MCPH1: variants seen among roughly 807,000 people sequenced by gnomAD.
MCPH1 encodes microcephalin 1.
MCPH1 carries 104 observed loss-of-function variants against 84.5 expected under a neutral mutation model. The ratio of observed to expected loss-of-function variants is 1.23; its 90% confidence interval spans 1.05 to 1.45. The LOEUF (loss-of-function observed/expected upper bound fraction) is 1.45, where lower values mean the gene tolerates loss of function less well. Ranked by LOEUF, MCPH1 falls within the 40% of genes most tolerant of loss-of-function variation. The probability of loss-of-function intolerance (pLI) is 0.00; values close to 1 mark genes in which losing one functional copy is unlikely to be tolerated. For synonymous variants in MCPH1, 514 were observed against 366.8 expected, an observed-to-expected ratio of 1.40 and a Z score of -4.58; for missense variants, 1,498 against 1,005.7, an observed-to-expected ratio of 1.49 and a Z score of -6.62.
chr8:6,439,973 T>TA (rs1803263733), intron 6 of MCPH1, among the ~76,000 whole-genome samples: 1 of 152,236 alleles, frequency 6.6e-6, no homozygotes, highest in Admixed American at 6.5e-5. Flanking sequence ...ATGAAAAAGA[T>TA]ACGGGTTTGG....
At chr8:6,456,303 T>C (rs1805672647) in intron 9 of MCPH1, among the ~76,000 whole-genome samples, 1 of 152,178 alleles carries the variant, frequency 6.6e-6, no homozygotes, top group Admixed American at 6.5e-5. Context: ...CGTTGCGCAC[T>C]GTGACTCCAC....
Position 6,611,670 on chromosome 8 carries a change from G to A in MCPH1, c.2215-9784G>A, listed in dbSNP as rs575761900. Among the ~76,000 whole-genome samples the A allele has an allele frequency of 2.5e-4, 38 of 152,162 alleles. 2 individuals carry two copies. The South Asian group carries it at 7.5e-3, about 30-fold the overall frequency. On this transcript the variant is annotated intron_variant, in intron 12 of 13. Coordinates refer to ENST00000344683, the MANE Select transcript of MCPH1 (RefSeq NM_024596.5). ...GTCTCACTCTGTCTCCCAGGCTGGA[G>A]TGCAGTGGCGCCATCTCAGCTCCCT... is the stretch of plus-strand genomic sequence containing the variant.
intron 11 of MCPH1, among the ~76,000 whole-genome samples, chr8:6,499,365 A>G (rs185103151): frequency 6.6e-6 from 1 of 152,148 alleles, no homozygotes; most frequent in Non-Finnish European, 1.5e-5. Context: ...AGGAATTTCA[A>G]GTGTATTCTG....
At chr8:6,550,820 A>T (rs962417766) in intron 12 of MCPH1, among the ~76,000 whole-genome samples, 1 of 152,170 alleles carries the variant, frequency 6.6e-6, no homozygotes, top group African/African-American at 2.4e-5. Context: ...GAGTGAGACG[A>T]TGTAAGCACA....
chr8:6,460,591 G>A (rs546691408), intron 9 of MCPH1, among the ~76,000 whole-genome samples: 117 of 151,942 alleles, frequency 7.7e-4, no homozygotes, highest in African/African-American at 2.8e-3. Context: ...AACATATTAT[G>A]CATATTTCTT....
intron 9 of MCPH1, among the ~76,000 whole-genome samples, chr8:6,466,127 GGATTTTTT>G (rs1230488049): frequency 1.3e-4 from 16 of 125,180 alleles, no homozygotes; most frequent in African/African-American, 4.4e-4. Context: ...GCTAATTTTT[GGATTTTTT>G]TTTTTTTTTT....
chr8:6,568,668 C>T (rs906108047), intron 12 of MCPH1, among the ~76,000 whole-genome samples: 1 of 152,226 alleles, frequency 6.6e-6, no homozygotes, highest in African/African-American at 2.4e-5. Flanking sequence ...CTCAGACACA[C>T]TTAAAGGCAC....
At chr8:6,465,132 G>C (rs1169813037) in intron 9 of MCPH1, among the ~76,000 whole-genome samples, 1 of 152,230 alleles carries the variant, frequency 6.6e-6, no homozygotes, top group Non-Finnish European at 1.5e-5. Flanking sequence ...CGTTTGCGGG[G>C]AGTCAGCTTA....
At chr8:6,460,764 G>C (rs1313158055) in intron 9 of MCPH1, among the ~76,000 whole-genome samples, 3 of 151,972 alleles carry the variant, frequency 2.0e-5, no homozygotes, top group Non-Finnish European at 4.4e-5. Context: ...GAGGCTAGCT[G>C]TCCCCTGGGA....
chr8:6,645,999 G>C lies in MCPH1; in HGVS notation c.*2950G>C, dbSNP rs945711471. The stretch of plus-strand genomic sequence containing the variant: ...TTAAAATCTCAGATGGCTTTTTATA[G>C]AATTTGAAAAGCTGATGCTAAATCT... On this transcript the variant is annotated 3_prime_UTR_variant, in exon 14 of 14. Coordinates refer to ENST00000344683, the MANE Select transcript of MCPH1 (RefSeq NM_024596.5). The C allele has an allele frequency of 4.6e-5, 7 of 152,206 alleles. No individual in the cohort carries two copies. The highest frequency in any genetic ancestry group is 1.3e-4 in the Admixed American group (2 of 15,284). The allele number at this position is 152,206 out of a possible 1,614,324, so 9.4% of individuals were successfully genotyped here. A position where few individuals can be genotyped will look rare whatever the true frequency, so the allele number is the denominator to read the frequency against.
At chr8:6,606,849 G>T (rs944465513) in intron 12 of MCPH1, among the ~76,000 whole-genome samples, 1 of 152,200 alleles carries the variant, frequency 6.6e-6, no homozygotes, top group African/African-American at 2.4e-5. Context: ...GTTTCATAAG[G>T]GGGAGTTTCC....
intron 12 of MCPH1, among the ~76,000 whole-genome samples, chr8:6,525,615 C>A (rs139842413): frequency 7.2e-5 from 11 of 152,098 alleles, no homozygotes; most frequent in Non-Finnish European, 1.3e-4. Context: ...TGTGAAACAC[C>A]ATTTGCATAT....
At chr8:6,592,630 T>G (rs1215474780) in intron 12 of MCPH1, among the ~76,000 whole-genome samples, 4 of 141,380 alleles carry the variant, frequency 2.8e-5, no homozygotes, top group Admixed American at 2.8e-4. Flanking sequence ...TTTGTTTTTT[T>G]TTTTTTTTTT....
intron 13 of MCPH1, among the ~76,000 whole-genome samples, chr8:6,634,201 G>C (rs192488604): frequency 2.6e-4 from 39 of 152,280 alleles, no homozygotes; most frequent in Non-Finnish European, 2.9e-5. Context: ...AACAAGCGAA[G>C]ATCTATCCTG....
intron 13 of MCPH1, chr8:6,625,894 T>A: frequency 1.0e-6 from 1 of 985,304 alleles, no homozygotes; most frequent in Middle Eastern, 5.2e-4. Flanking sequence ...AACCAGGAGT[T>A]TTTTAGCCAC....
At chr8:6,629,316 G>C (rs1454313814) in intron 13 of MCPH1, among the ~76,000 whole-genome samples, 2 of 152,144 alleles carry the variant, frequency 1.3e-5, no homozygotes, top group African/African-American at 2.4e-5. Flanking sequence ...TGCAAAATTA[G>C]CTGGGCATGG....
intron 12 of MCPH1, among the ~76,000 whole-genome samples, chr8:6,569,298 C>T (rs545869550): frequency 3.8e-4 from 58 of 152,254 alleles, no homozygotes; most frequent in Middle Eastern, 6.8e-3. Context: ...CCTTTATATG[C>T]CTCCTGGAAG....
chr8:6,505,251 T>TATG lies in MCPH1; in HGVS notation c.2214+5322_2214+5323insATG, dbSNP rs1563305171. On this transcript the variant is annotated intron_variant, in intron 12 of 13. Coordinates refer to ENST00000344683, the MANE Select transcript of MCPH1 (RefSeq NM_024596.5). The stretch of plus-strand genomic sequence containing the variant: ...TATGTATATATAGAATATATATTCT[T>TATG]TATATATGTTTTATATATATGTATA... Among the ~76,000 whole-genome samples, 39 of 82,166 alleles carry TATG rather than the reference T, an allele frequency of 4.7e-4. 2 individuals carry two copies. Among genetic ancestry groups the TATG allele is most frequent in the East Asian group, 1.1e-3 (4 of 3,662 alleles). 53.9% of individuals were successfully genotyped at this position (82,166 alleles called of 152,430 possible).
intron 12 of MCPH1, among the ~76,000 whole-genome samples, chr8:6,579,028 T>A (rs1827338594): frequency 6.6e-6 from 1 of 152,202 alleles, no homozygotes; most frequent in Non-Finnish European, 1.5e-5. Flanking sequence ...TCAAAGGGAA[T>A]AGAATACTGA....
Sources: allele counts gnomAD v4.1 joint callset (sites outside exome capture counted in the v4.1 genomes callset), GRCh38; gene constraint gnomAD v4.1.1; transcripts MANE v1.5; gene names NCBI Gene and HGNC (gene_info 2026-07-23, HGNC 2026-07-21).